Variants in TBCK observed in about 807,000 individuals in gnomAD.
The protein encoded by TBCK is TBC1 domain containing kinase.
Under a neutral mutation model 113.4 loss-of-function variants are expected in TBCK, and 99 were observed. The ratio of observed to expected loss-of-function variants is 0.87; its 90% CI spans 0.74 to 1.03. TBCK has a LOEUF of 1.03. TBCK is among the 50% of genes least tolerant of loss of function. The probability of loss-of-function intolerance (pLI) is 0.00; values close to 1 mark genes in which losing one functional copy is unlikely to be tolerated. For synonymous variants in TBCK, 369 were observed against 370.8 expected, an observed-to-expected ratio of 1.00 and a Z score of 0.05; for missense variants, 1,045 against 1,061.3, an observed-to-expected ratio of 0.98 and a Z score of 0.21.
intron 3 of TBCK, among the ~76,000 whole-genome samples, chr4:106,291,035 T>A (rs1473827386): frequency 6.6e-6 from 1 of 152,130 alleles, no homozygotes; most frequent in African/African-American, 2.4e-5. Flanking sequence ...TGCAGACTCA[T>A]CAAAACCCTA....
intron 23 of TBCK, among the ~76,000 whole-genome samples, chr4:106,143,098 G>A (rs1313734407): frequency 1.3e-5 from 2 of 151,940 alleles, no homozygotes; most frequent in Non-Finnish European, 2.9e-5. Context: ...CTTCTTTTGT[G>A]TTTCTCATCA....
At chr4:106,262,026 G>A in intron 4 of TBCK, 72 bp downstream of exon 4, 3 of 737,408 alleles carry the variant, frequency 4.1e-6, no homozygotes, top group Non-Finnish European at 6.6e-6. Flanking sequence ...TCCTCTGACT[G>A]AGTAGCCCTG....
intron 2 of TBCK, among the ~76,000 whole-genome samples, chr4:106,307,290 A>G (rs1306637231): frequency 2.6e-5 from 4 of 152,218 alleles, no homozygotes; most frequent in African/African-American, 9.6e-5. Context: ...TCTTATCTGT[A>G]AAATGACAGG....
chr4:106,314,782 G>C (rs3762946), intron 1 of TBCK, among the ~76,000 whole-genome samples: 1 of 151,290 alleles, frequency 6.6e-6, no homozygotes, highest in Non-Finnish European at 1.5e-5. Context: ...CCGCCACCAC[G>C]CCCGGCTAAT....
chr4:106,316,524 T>C (rs114327761), upstream of TBCK: 1,645 of 1,551,486 alleles, frequency 1.1e-3, 16 homozygotes, highest in African/African-American at 0.02. Context: ...CTCACTGCTA[T>C]AGTACGCGGG....
intron 22 of TBCK, among the ~76,000 whole-genome samples, chr4:106,184,330 T>C (rs1028752359): frequency 2.0e-5 from 3 of 152,024 alleles, no homozygotes; most frequent in Admixed American, 2.0e-4. Context: ...GGAGATTCTA[T>C]AGAGAAATTC....
intron 5 of TBCK, among the ~76,000 whole-genome samples, chr4:106,255,521 C>T (rs537386878): frequency 1.7e-4 from 26 of 152,288 alleles, no homozygotes; most frequent in South Asian, 2.1e-4. Flanking sequence ...GGACCAGGTG[C>T]GTTGCAAGCA....
At chr4:106,302,224 A>G (rs1420641064) in intron 2 of TBCK, among the ~76,000 whole-genome samples, 2 of 152,176 alleles carry the variant, frequency 1.3e-5, no homozygotes, top group Non-Finnish European at 2.9e-5. Context: ...GAAATACAGG[A>G]GTAGCAGGGC....
chr4:106,088,596 G>A (rs1739790759), intron 25 of TBCK, among the ~76,000 whole-genome samples: 1 of 151,806 alleles, frequency 6.6e-6, no homozygotes, highest in African/African-American at 2.4e-5. Flanking sequence ...CCCACTACTG[G>A]GTATATACCC....
At chr4:106,276,455 T>A (rs1764034911) in intron 3 of TBCK, among the ~76,000 whole-genome samples, 1 of 152,228 alleles carries the variant, frequency 6.6e-6, no homozygotes, top group South Asian at 2.1e-4. Flanking sequence ...CACACACTTG[T>A]AGTCCCAGCT....
intron 23 of TBCK, among the ~76,000 whole-genome samples, chr4:106,170,646 T>G (rs1357055298): frequency 6.6e-6 from 1 of 152,122 alleles, no homozygotes; most frequent in Non-Finnish European, 1.5e-5. Flanking sequence ...AACTGAAAGC[T>G]TTGTTGACCA....
At chr4:106,284,078 C>T (rs1050057300) in intron 3 of TBCK, among the ~76,000 whole-genome samples, 44 of 152,128 alleles carry the variant, frequency 2.9e-4, no homozygotes, top group African/African-American at 8.2e-4. Flanking sequence ...GAGCATCTTT[C>T]GGTATTATTT....
At chr4:106,260,532 AC>A (rs754703555) in intron 4 of TBCK, 22 bp from the exon 5 acceptor site, 92 of 780,928 alleles carry the variant, frequency 1.2e-4, no homozygotes, top group Non-Finnish European at 1.4e-4. Flanking sequence ...AAGAAAAAAA[AC>A]ACTATCAAAT....
intron 23 of TBCK, among the ~76,000 whole-genome samples, chr4:106,126,478 G>A (rs541429307): frequency 1.6e-4 from 24 of 152,182 alleles, no homozygotes; most frequent in Admixed American, 5.9e-4. Flanking sequence ...TATATGTAAC[G>A]AAAACTGTGC....
intron 19 of TBCK, among the ~76,000 whole-genome samples, chr4:106,224,994 T>G (rs1758081863): frequency 6.6e-6 from 1 of 152,200 alleles, no homozygotes; most frequent in Admixed American, 6.5e-5. Context: ...TCTCCTAGAC[T>G]TATAAGTAGT....
chr4:106,195,527 T>C (rs1262966355), intron 20 of TBCK, among the ~76,000 whole-genome samples: 1 of 149,236 alleles, frequency 6.7e-6, no homozygotes, highest in Non-Finnish European at 1.5e-5. Context: ...TGATGGTGTT[T>C]CCAGATAAGA....
At position 106,248,530 on chromosome 4, in the gene TBCK, C is replaced by G. The variant is rs528242200; in HGVS notation, c.721-224G>C. On this transcript the variant is annotated intron_variant, in intron 8 of 25. Coordinates refer to ENST00000394708, the MANE Select transcript of TBCK (RefSeq NM_001163435.3). The stretch of plus-strand genomic sequence containing the variant: ...AGTGTGTAAAATAAATTTTCATTCA[C>G]AGATTGCTATGGTTTGAATGTGTTC... Among the ~76,000 whole-genome samples, 67 of 152,248 alleles carry G rather than the reference C, an allele frequency of 4.4e-4. 1 individual carries two copies. Among genetic ancestry groups the G allele is most frequent in the African/African-American group, 1.6e-3 (66 of 41,554 alleles).
intron 24 of TBCK, among the ~76,000 whole-genome samples, chr4:106,096,086 GGAGA>G (rs1740869256): frequency 6.6e-6 from 1 of 152,026 alleles, no homozygotes. Flanking sequence ...AAAAATGAAA[GGAGA>G]GAGAATCAAC....
chr4:106,086,744 C>T (rs1739559652), intron 25 of TBCK, among the ~76,000 whole-genome samples: 2 of 152,162 alleles, frequency 1.3e-5, no homozygotes, highest in Non-Finnish European at 2.9e-5. Context: ...ACGATCAAGT[C>T]AGCTTCATCC....
Sources: allele counts gnomAD v4.1 joint callset (sites outside exome capture counted in the v4.1 genomes callset), GRCh38; gene constraint gnomAD v4.1.1; transcripts MANE v1.5; gene names NCBI Gene and HGNC (gene_info 2026-07-23, HGNC 2026-07-21).